Variants in UNC13A observed in about 807,000 individuals in gnomAD.
UNC13A encodes unc-13 homolog A.
In UNC13A, 61 loss-of-function variants were observed where a neutral mutation model predicts 219.7. The ratio of observed to expected loss-of-function variants is 0.28; its 90% CI spans 0.23 to 0.34. The LOEUF (loss-of-function observed/expected upper bound fraction) is 0.34. Ranked by LOEUF, UNC13A falls within the 10% of genes least tolerant of loss-of-function variation. UNC13A has a pLI of 1.00. For synonymous variants in UNC13A, 920 were observed against 884.6 expected (o/e 1.04, Z -0.71); for missense variants, 1,476 against 2,270.3 (o/e 0.65, Z 7.11).
chr19:17,639,693 T>C, intron 23 of UNC13A, 147 bp downstream of exon 23: 3 of 1,119,898 alleles, frequency 2.7e-6, no homozygotes, highest in Non-Finnish European at 3.9e-6. Context: ...TTACGGCAGG[T>C]AGTGCCCATG....
chr19:17,672,119 G>T (rs541602301), intron 4 of UNC13A, among the ~76,000 whole-genome samples: 1 of 152,182 alleles, frequency 6.6e-6, no homozygotes, highest in East Asian at 1.9e-4. Flanking sequence ...AGCACCTTTC[G>T]GTGGTTGGAA....
In UNC13A at chr19:17,626,758, G is replaced by T; in HGVS notation, c.3948C>A (p.Val1316=). ...TSFQPHIEEC[V]KQMGDILSQV... Reference sequence around the variant, plus strand: ...GGCTAAGGATGTCACCCATCTGTTTGACACACTCTTCAATGTGCGGCTGGA... The same window carrying T: ...GGCTAAGGATGTCACCCATCTGTTTTACACACTCTTCAATGTGCGGCTGGA... The change falls in exon 34 of 44, where the codon GTC becomes GTA. Residue 1316 remains valine (V), a synonymous_variant. Coordinates refer to ENST00000519716, the MANE Select transcript of UNC13A (RefSeq NM_001080421.3). The T allele has an allele frequency of 6.2e-7, 1 of 1,612,434 alleles. No homozygotes were observed. The highest frequency in any genetic ancestry group is 1.1e-5 in the South Asian group (1 of 90,670).
chr19:17,663,228 G>C (rs1259225639), intron 8 of UNC13A, among the ~76,000 whole-genome samples: 3 of 151,976 alleles, frequency 2.0e-5, no homozygotes, highest in Non-Finnish European at 2.9e-5. Flanking sequence ...GGGGTGCGGG[G>C]GTCACAGTGC....
intron 12 of UNC13A, among the ~76,000 whole-genome samples, chr19:17,650,123 C>T (rs1216539691): frequency 1.3e-5 from 2 of 152,244 alleles, no homozygotes; most frequent in East Asian, 1.9e-4. Context: ...TGGAGACACC[C>T]GGCCTCACCC....
chr19:17,627,494 T>C lies in UNC13A; in HGVS notation c.3920+15A>G. On this transcript the variant is annotated intron_variant, in intron 33 of 43. Transcript: ENST00000519716. The surrounding 1 kb of genome is among the most constrained non-coding windows in gnomAD (Gnocchi z 4.7). ...GTTCCCTCCCCACTGCCCCCAGCCC[T>C]GGAGATGCTCCCACCTGGTAGCAAA... is the stretch of plus-strand genomic sequence containing the variant. The C allele has an allele frequency of 6.4e-7, 1 of 1,552,860 alleles. No homozygotes were observed. The highest frequency in any genetic ancestry group is 8.7e-7 in the Non-Finnish European group (1 of 1,147,028).
intron 25 of UNC13A, 26 bp from the exon 26 acceptor site, chr19:17,636,183 T>C (rs776486525): frequency 6.4e-7 from 1 of 1,568,720 alleles, no homozygotes; most frequent in South Asian, 1.2e-5. Context: ...GAGACCTCGG[T>C]TATAGGGGGT....
intron 7 of UNC13A, 88 bp downstream of exon 7, chr19:17,666,562 T>C (rs1357877002): frequency 7.8e-6 from 8 of 1,026,926 alleles, no homozygotes; most frequent in Non-Finnish European, 9.3e-6. Flanking sequence ...ATCTCCGGAC[T>C]GGAGGAGCCT....
rs766023950 is a variant in UNC13A at position 17,606,066 on chromosome 19, C to G, written c.5100G>C (p.Ala1700=). ...DTRSAEEGGA[A]PAP ...CCGACCGCCCGCGCTAAGGCGCAGG[C>G]GCGGCACCGCCCTCCTCGGCGGAGC... The change falls in exon 44 of 44, where the codon GCG becomes GCC. Residue 1700 remains alanine (A), a synonymous_variant. Coordinates refer to ENST00000519716, the MANE Select transcript of UNC13A (RefSeq NM_001080421.3). 6.4e-7 allele frequency: 1 copy of G among 1,569,324 alleles called. No homozygotes were observed.
In UNC13A at chr19:17,602,959, C is replaced by A. The variant is rs1240157356; in HGVS notation, c.*3095G>T. On this transcript the variant is annotated 3_prime_UTR_variant, in exon 44 of 44. Coordinates refer to ENST00000519716, the MANE Select transcript of UNC13A (RefSeq NM_001080421.3). ...GGAGAAACAGAGCTGGACAGAGAAA[C>A]CCCCAGTCCCATGGCATCAGGCTGG... 6.6e-6 allele frequency: 1 copy of A among 152,178 alleles called. No homozygotes were observed. The highest frequency in any genetic ancestry group is 1.5e-5 in the Non-Finnish European group (1 of 68,056). The allele number at this position is 152,178 out of a possible 1,614,324, so 9.4% of individuals were successfully genotyped here. A position where few individuals can be genotyped will look rare whatever the true frequency, so the allele number is the denominator to read the frequency against.
chr19:17,632,917 G>C lies in UNC13A; in HGVS notation c.3302-9C>G. 1 of 1,613,854 alleles carries C rather than the reference G, an allele frequency of 6.2e-7. No homozygotes were observed. Among genetic ancestry groups the C allele is most frequent in the African/African-American group, 1.3e-5 (1 of 75,024 alleles). On this transcript the variant is annotated splice_polypyrimidine_tract_variant and intron_variant, in intron 27 of 43. Coordinates refer to ENST00000519716, the MANE Select transcript of UNC13A (RefSeq NM_001080421.3). Reference sequence around the variant, plus strand: ...ACGATGCTTGTCGTGCTCTGGCCAGGGACAAAGAGGATGGCACAGCTGGAA... The same window carrying C: ...ACGATGCTTGTCGTGCTCTGGCCAGCGACAAAGAGGATGGCACAGCTGGAA...
chr19:17,684,439 G>A (rs527390040), intron 1 of UNC13A, among the ~76,000 whole-genome samples: 1 of 152,300 alleles, frequency 6.6e-6, no homozygotes, highest in Admixed American at 6.5e-5. Flanking sequence ...ACAGTGCCTG[G>A]TATACAGTAG....
chr19:17,688,217 TGGGCCGGAGGCGGCC>T lies in UNC13A; in HGVS notation c.-33_-19del. 1 of 1,498,962 alleles carries T rather than the reference TGGGCCGGAGGCGGCC, an allele frequency of 6.7e-7. No homozygotes were observed. Among genetic ancestry groups the T allele is most frequent in the Non-Finnish European group, 8.9e-7 (1 of 1,124,772 alleles). 92.9% of individuals were successfully genotyped at this position (1,498,962 alleles called of 1,614,324 possible). Reference sequence around the variant, plus strand: ...AGAGACATGTCTCCGAGCTCGCAGGTGGGCCGGAGGCGGCCGGGCCGGCTCTGTCGGGTCGGGCTC... The same window carrying T: ...AGAGACATGTCTCCGAGCTCGCAGGTGGGCCGGCTCTGTCGGGTCGGGCTC... On this transcript the variant is annotated 5_prime_UTR_variant, in exon 1 of 44. Coordinates refer to ENST00000519716, the MANE Select transcript of UNC13A (RefSeq NM_001080421.3).
rs143358372 is a variant in UNC13A at position 17,627,626 on chromosome 19, G to A, written c.3832-29C>T. ...AGGAGGGAGAAGGGACACCAGGCCAGGTTCAGTAAGTATCCACATGTACTG... is the reference window on the plus strand; with the variant it reads ...AGGAGGGAGAAGGGACACCAGGCCAAGTTCAGTAAGTATCCACATGTACTG... On this transcript the variant is annotated intron_variant, in intron 32 of 43. Coordinates refer to ENST00000519716, the MANE Select transcript of UNC13A (RefSeq NM_001080421.3). The surrounding 1 kb of genome is among the most constrained non-coding windows in gnomAD (Gnocchi z 4.7). 449 of 1,528,444 alleles carry A rather than the reference G, an allele frequency of 2.9e-4. 3 individuals carry two copies. The highest frequency in any genetic ancestry group is 2.7e-3 in the African/African-American group (194 of 72,774). 94.7% of individuals were successfully genotyped at this position (1,528,444 alleles called of 1,614,324 possible).
rs777765488 is a variant in UNC13A, at chr19:17,601,583, A to T, written c.*4471T>A. 6.6e-6 allele frequency: 1 copy of T among 152,348 alleles called. No individual in the cohort carries two copies. The highest frequency in any genetic ancestry group is 1.5e-5 in the Non-Finnish European group (1 of 68,042). The allele number at this position is 152,348 out of a possible 1,614,324, so 9.4% of individuals were successfully genotyped here. ...GTTTTGATTTCACATCTGCAATCAC[A>T]TGCTAAGAGTTGTGTGGAGGGGAAG... is the stretch of plus-strand genomic sequence containing the variant. On this transcript the variant is annotated 3_prime_UTR_variant, in exon 44 of 44. Coordinates refer to ENST00000519716, the MANE Select transcript of UNC13A (RefSeq NM_001080421.3).
rs577813878 is a variant in UNC13A at position 17,659,615 on chromosome 19, A to T, written c.560-1346T>A. 6.6e-5 allele frequency among the ~76,000 whole-genome samples: 10 copies of T among 152,206 alleles called. No homozygotes were observed. In the East Asian group the frequency reaches 1.7e-3, roughly 26 times the overall value. ...AGGCCCCATCTCTTTAAAAAAATTT[A>T]AAAATTAGCTGGGCGTGGTGGTGGG... On this transcript the variant is annotated intron_variant, in intron 8 of 43. Coordinates refer to ENST00000519716, the MANE Select transcript of UNC13A (RefSeq NM_001080421.3).
At chr19:17,672,245 C>T (rs913673823) in intron 4 of UNC13A, 133 bp downstream of exon 4, 26 of 727,298 alleles carry the variant, frequency 3.6e-5, no homozygotes, top group Middle Eastern at 2.3e-4. Flanking sequence ...TTGGAAGGTT[C>T]GTGGCAATCC....
At position 17,609,967 on chromosome 19, in the gene UNC13A, G is replaced by A. The variant is rs1002851130; in HGVS notation, c.4784C>T (p.Ala1595Val). 2 of 1,613,738 alleles carry A rather than the reference G, an allele frequency of 1.2e-6. No individual in the cohort carries two copies. Among genetic ancestry groups the A allele is most frequent in the Non-Finnish European group, 1.7e-6 (2 of 1,179,904 alleles). Residue 1595 changes from alanine to valine, a missense_variant, in exon 43 of 44, where the codon GCT (alanine) becomes GTT (valine). Ala to Val is a moderately conservative substitution (Grantham distance 64, BLOSUM62 0). Around this residue, in one of 14 missense-constraint regions of UNC13A, gnomAD observed 187 missense variants for 172.3 expected, o/e 1.09. Coordinates refer to ENST00000519716, the MANE Select transcript of UNC13A (RefSeq NM_001080421.3). Reference protein sequence around the residue: ...FATKSKNNSWAPKYNESFQFT... With the variant: ...FATKSKNNSWVPKYNESFQFT... ...CTGGAAGCTCTCATTGTACTTGGGA[G>A]CCCAGCTATTGTTCTTGGATTTGGT...
intron 7 of UNC13A, among the ~76,000 whole-genome samples, chr19:17,664,584 T>C (rs915505769): frequency 2.0e-5 from 3 of 152,186 alleles, no homozygotes; most frequent in African/African-American, 7.2e-5. Context: ...CTAGCTCTAG[T>C]CCATCTGCCC....
chr19:17,632,741 T>C (rs2076870034), intron 28 of UNC13A, 41 bp downstream of exon 28: 1 of 1,612,770 alleles, frequency 6.2e-7, no homozygotes, highest in Non-Finnish European at 8.5e-7. Context: ...CTGTCAGTGC[T>C]ACAGTTCTGG....
Sources: allele counts gnomAD v4.1 joint callset (sites outside exome capture counted in the v4.1 genomes callset), GRCh38; gene constraint gnomAD v4.1.1; regional missense constraint gnomAD v4.1.1; non-coding constraint Gnocchi (gnomAD v3.1); transcripts MANE v1.5; gene names NCBI Gene and HGNC (gene_info 2026-07-23, HGNC 2026-07-21).